ARMH4: variants seen among roughly 807,000 people sequenced by gnomAD.
ARMH4 encodes armadillo-like helical domain-containing protein 4.
Under a neutral mutation model 61.9 loss-of-function variants are expected in ARMH4, and 49 were observed. That is an observed-to-expected ratio of 0.79 (90% CI 0.63 to 1.00). The LOEUF (loss-of-function observed/expected upper bound fraction) is 1.00, where lower values mean the gene tolerates loss of function less well. Among genes scored for constraint, ARMH4 ranks in the 50% least tolerant of loss-of-function variants. The pLI is 0.00. For synonymous variants in ARMH4, 368 were observed against 341.5 expected, an observed-to-expected ratio of 1.08 and a Z score of -0.85; for missense variants, 934 against 930.0, an observed-to-expected ratio of 1.00 and a Z score of -0.06.
chr14:58,070,906 A>G (rs1168822712), intron 5 of ARMH4, among the ~76,000 whole-genome samples: 2 of 151,916 alleles, frequency 1.3e-5, no homozygotes, highest in Non-Finnish European at 2.9e-5. Flanking sequence ...TCTACTCTCT[A>G]TGTGCATGAG....
chr14:58,030,534 G>C (rs549475624), intron 5 of ARMH4, among the ~76,000 whole-genome samples: 1 of 152,118 alleles, frequency 6.6e-6, no homozygotes, highest in South Asian at 2.1e-4. Context: ...ATTAACTACC[G>C]TATATTCATA....
rs767456109 is a variant in ARMH4 at position 58,139,350 on chromosome 14, T to C, written c.9A>G (p.Gly3=). 3.1e-6 allele frequency: 5 copies of C among 1,613,732 alleles called. No homozygotes were observed. The highest frequency in any genetic ancestry group is 3.3e-5 in the Admixed American group (2 of 59,994). Residue 3 remains glycine (G), a synonymous_variant, in exon 2 of 8, where the codon GGA becomes GGG. Coordinates refer to ENST00000267485, the MANE Select transcript of ARMH4 (RefSeq NM_001001872.4). MR[G]PIVLHICLAF... is the part of the protein sequence containing the mutation. ...CCAGACAAATGTGCAATACAATCGG[T>C]CCTCTCATAGTGGAAGAGAAATGGC...
At chr14:58,134,705 C>G (rs1887244648) in intron 2 of ARMH4, among the ~76,000 whole-genome samples, 1 of 151,990 alleles carries the variant, frequency 6.6e-6, no homozygotes, top group African/African-American at 2.4e-5. Flanking sequence ...GCCTGTAATA[C>G]CAGCACTTTG....
intron 6 of ARMH4, among the ~76,000 whole-genome samples, chr14:58,006,604 G>T (rs573614593): frequency 3.6e-4 from 55 of 152,252 alleles, no homozygotes; most frequent in African/African-American, 1.3e-3. Flanking sequence ...GAGAACAATA[G>T]CACTGTTCCT....
chr14:58,092,862 C>A (rs1594752092), intron 5 of ARMH4, among the ~76,000 whole-genome samples: 1 of 150,694 alleles, frequency 6.6e-6, no homozygotes, highest in Middle Eastern at 3.4e-3. Context: ...GTCACCCAGG[C>A]TGGAATACAG....
At chr14:58,128,850 T>C (rs115010730) in intron 4 of ARMH4, among the ~76,000 whole-genome samples, 1 of 152,182 alleles carries the variant, frequency 6.6e-6, no homozygotes. Context: ...GTGACCATAT[T>C]TGAAAACAGG....
intron 4 of ARMH4, among the ~76,000 whole-genome samples, chr14:58,099,601 T>C (rs1011688426): frequency 1.3e-5 from 2 of 151,964 alleles, no homozygotes; most frequent in African/African-American, 2.4e-5. Flanking sequence ...AACAAAAAAT[T>C]CTTACCAGAA....
intron 2 of ARMH4, among the ~76,000 whole-genome samples, chr14:58,135,456 T>C (rs1887272412): frequency 6.6e-6 from 1 of 152,174 alleles, no homozygotes; most frequent in African/African-American, 2.4e-5. Flanking sequence ...AGAACATATA[T>C]ACAAAAATAA....
intron 4 of ARMH4, among the ~76,000 whole-genome samples, chr14:58,111,643 C>G (rs1397107076): frequency 1.3e-5 from 2 of 152,034 alleles, no homozygotes; most frequent in African/African-American, 2.4e-5. Flanking sequence ...GACATTTCCT[C>G]TCTTGCAGAG....
intron 5 of ARMH4, among the ~76,000 whole-genome samples, chr14:58,057,162 A>G (rs1248089753): frequency 6.6e-6 from 1 of 152,244 alleles, no homozygotes; most frequent in African/African-American, 2.4e-5. Flanking sequence ...AATATAGTAT[A>G]TAACCTATGT....
intron 6 of ARMH4, among the ~76,000 whole-genome samples, chr14:58,007,641 G>A (rs1882228432): frequency 6.6e-6 from 1 of 152,172 alleles, no homozygotes; most frequent in South Asian, 2.1e-4. Context: ...GGGAAAATAA[G>A]CTCCTCTGTT....
chr14:58,075,694 A>G (rs1020634270), intron 5 of ARMH4, among the ~76,000 whole-genome samples: 1 of 152,208 alleles, frequency 6.6e-6, no homozygotes, highest in African/African-American at 2.4e-5. Context: ...TGGCACATGT[A>G]TACCTATGTA....
At chr14:58,090,654 G>A (rs1012508368) in intron 5 of ARMH4, among the ~76,000 whole-genome samples, 66 of 151,930 alleles carry the variant, frequency 4.3e-4, no homozygotes, top group African/African-American at 1.5e-3. Flanking sequence ...CAAGGCAGAC[G>A]GATCACTTGA....
At chr14:58,129,111 T>C (rs535913034) in intron 4 of ARMH4, among the ~76,000 whole-genome samples, 1 of 152,330 alleles carries the variant, frequency 6.6e-6, no homozygotes, top group South Asian at 2.1e-4. Context: ...TTCTGTTGTT[T>C]TAAGCCACCC....
In ARMH4 at chr14:58,138,811, A is replaced by C; in HGVS notation, c.548T>G (p.Phe183Cys). The stretch of plus-strand genomic sequence containing the variant: ...TGATTGATTATCCATATACTTCAGA[A>C]AACCTTTTGTGGTTTCTGTGATCTC... ...VEEITETTKGFLKYMDNQSFA... is the reference protein window; with the variant it reads ...VEEITETTKGCLKYMDNQSFA... Residue 183 changes from phenylalanine (F) to cysteine (C), a missense_variant, in exon 2 of 8, where the codon TTT (phenylalanine) becomes TGT (cysteine). Coordinates refer to ENST00000267485, the MANE Select transcript of ARMH4 (RefSeq NM_001001872.4). 1 of 1,614,240 alleles carries C rather than the reference A, an allele frequency of 6.2e-7. No individual in the cohort carries two copies.
chr14:58,095,481 C>A (rs977189856), intron 5 of ARMH4, among the ~76,000 whole-genome samples: 3 of 152,082 alleles, frequency 2.0e-5, no homozygotes, highest in Admixed American at 6.5e-5. Flanking sequence ...CAGAGATAAT[C>A]TTATTTTGTG....
chr14:58,070,277 G>T (rs1276937116), intron 5 of ARMH4, among the ~76,000 whole-genome samples: 1 of 152,106 alleles, frequency 6.6e-6, no homozygotes, highest in East Asian at 1.9e-4. Context: ...TAGGGGTTAG[G>T]TCACCTCTTT....
At chr14:58,086,762 T>C (rs1392883403) in intron 5 of ARMH4, among the ~76,000 whole-genome samples, 1 of 152,094 alleles carries the variant, frequency 6.6e-6, no homozygotes, top group African/African-American at 2.4e-5. Context: ...GTGCAGTGAA[T>C]AGAAATTAAA....
chr14:58,109,424 T>G (rs995350349), intron 4 of ARMH4, among the ~76,000 whole-genome samples: 1 of 152,036 alleles, frequency 6.6e-6, no homozygotes, highest in African/African-American at 2.4e-5. Flanking sequence ...TTTCGTCACA[T>G]GTCAAGGACC....
Sources: gnomAD v4.1 joint callset for allele counts (sites outside exome capture counted in the v4.1 genomes callset) on GRCh38, gnomAD v4.1.1 for gene constraint, MANE v1.5 for transcripts, NCBI Gene and HGNC (gene_info 2026-07-23, HGNC 2026-07-21) for gene names.